Variants in INPP4A observed in about 807,000 individuals in gnomAD.
The protein encoded by INPP4A is inositol polyphosphate-4-phosphatase type I A, also known as inositol polyphosphate-4-phosphatase, type I, 107kD.
In INPP4A, 33 loss-of-function variants were observed where a neutral mutation model predicts 119.8. The observed-to-expected ratio is 0.28, with a 90% CI of 0.21 to 0.37. The LOEUF (loss-of-function observed/expected upper bound fraction) is 0.37. Among genes scored for constraint, INPP4A ranks in the 10% least tolerant of loss-of-function variants. The pLI, the probability that INPP4A is intolerant of heterozygous loss-of-function variation, is 1.00. For synonymous variants in INPP4A, 496 were observed against 500.7 expected (o/e 0.99, Z 0.12); for missense variants, 956 against 1,289.9 (o/e 0.74, Z 3.97).
At position 98,552,936 on chromosome 2, in the gene INPP4A, C is replaced by T; in HGVS notation, c.1314C>T (p.Gly438=). 1 of 1,613,056 alleles carries T rather than the reference C, an allele frequency of 6.2e-7. No homozygotes were observed. The highest frequency in any genetic ancestry group is 1.7e-5 in the Admixed American group (1 of 59,914). ...CAGCCAAGGACAGGTCTGCCACTGG[C>T]CTTGAGAGGACACTCGCCATCTTGG... ...SRAAKDRSAT[G]LERTLAILAD... is the part of the protein sequence containing the mutation. Residue 438 remains glycine (G), a synonymous_variant, in exon 14 of 25, where the codon GGC becomes GGT. Coordinates refer to ENST00000409851, the MANE Select transcript of INPP4A (RefSeq NM_001134225.2).
In INPP4A at chr2:98,590,836, CA is replaced by C; in HGVS notation, c.*3233del. ...AACTCCTAGAAATTTAAGCTACCAC[CA>C]AAAATAACATGTGCCTTTTCCCTTT... On this transcript the variant is annotated 3_prime_UTR_variant, in exon 25 of 25. Coordinates refer to ENST00000409851, the MANE Select transcript of INPP4A (RefSeq NM_001134225.2). 1 of 228,996 alleles carries C rather than the reference CA, an allele frequency of 4.4e-6. No homozygotes were observed. 14.2% of individuals were successfully genotyped at this position (228,996 alleles called of 1,614,324 possible).
At chr2:98,525,565 G>C (rs985666240) in intron 4 of INPP4A, among the ~76,000 whole-genome samples, 1 of 152,138 alleles carries the variant, frequency 6.6e-6, no homozygotes, top group Non-Finnish European at 1.5e-5. Flanking sequence ...AGAAATTGCT[G>C]TCCATAAGAG....
chr2:98,477,621 A>G (rs1487100313), intron 1 of INPP4A, among the ~76,000 whole-genome samples: 1 of 152,168 alleles, frequency 6.6e-6, no homozygotes, highest in East Asian at 1.9e-4. Flanking sequence ...TCTTGTAGAA[A>G]CTGCTCTCTC....
chr2:98,500,045 C>G (rs1454918945), intron 1 of INPP4A, among the ~76,000 whole-genome samples: 1 of 152,184 alleles, frequency 6.6e-6, no homozygotes, highest in African/African-American at 2.4e-5. Context: ...CAACCTCAGG[C>G]CGTGTCATTC....
chr2:98,516,323 C>T (rs17032870), intron 1 of INPP4A, among the ~76,000 whole-genome samples: 41,796 of 152,012 alleles, frequency 0.27, 5,790 homozygotes, highest in Middle Eastern at 0.35. Flanking sequence ...TAAAAGTTTC[C>T]GTGACCTGTG....
chr2:98,542,434 T>C (rs1434245791), intron 10 of INPP4A, among the ~76,000 whole-genome samples: 2 of 152,220 alleles, frequency 1.3e-5, no homozygotes, highest in Non-Finnish European at 2.9e-5. Flanking sequence ...AAAAAAAAAT[T>C]GCAGAAAGGT....
At chr2:98,551,626 T>C (rs189839149) in intron 13 of INPP4A, among the ~76,000 whole-genome samples, 1 of 152,190 alleles carries the variant, frequency 6.6e-6, no homozygotes, top group Non-Finnish European at 1.5e-5. Flanking sequence ...CCAAGGTGAC[T>C]GTCATCTCCA....
intron 1 of INPP4A, among the ~76,000 whole-genome samples, chr2:98,450,841 G>C (rs535606576): frequency 6.6e-6 from 1 of 151,946 alleles, no homozygotes; most frequent in Non-Finnish European, 1.5e-5. Context: ...CTGCAACCTC[G>C]GCTCACTGCA....
chr2:98,465,571 T>G (rs1225333522), intron 1 of INPP4A, among the ~76,000 whole-genome samples: 1 of 152,200 alleles, frequency 6.6e-6, no homozygotes, highest in African/African-American at 2.4e-5. Context: ...CACAGCAGCC[T>G]GATGAGGACC....
At chr2:98,568,904 C>G (rs1342167941) in intron 22 of INPP4A, 1 of 469,304 alleles carries the variant, frequency 2.1e-6, no homozygotes, top group Non-Finnish European at 3.9e-6. Flanking sequence ...TGGCTCCTTC[C>G]CATGCTGTCG....
At chr2:98,541,275 C>T (rs1007847309) in intron 10 of INPP4A, among the ~76,000 whole-genome samples, 4 of 150,718 alleles carry the variant, frequency 2.7e-5, no homozygotes, top group South Asian at 2.1e-4. Flanking sequence ...TGCAGTGAGC[C>T]GAGATCACGC....
chr2:98,551,579 C>CT (rs1459241047), intron 13 of INPP4A, among the ~76,000 whole-genome samples: 5 of 152,156 alleles, frequency 3.3e-5, no homozygotes, highest in Admixed American at 1.3e-4. Flanking sequence ...TGGGACTTCC[C>CT]TGGGAAGGGG....
chr2:98,482,153 C>T (rs1244344255), intron 1 of INPP4A, among the ~76,000 whole-genome samples: 1 of 152,184 alleles, frequency 6.6e-6, no homozygotes, highest in Non-Finnish European at 1.5e-5. Context: ...GCAGAAGCCA[C>T]GTTAAAGTGG....
chr2:98,525,841 CA>C (rs1688088390), intron 4 of INPP4A, among the ~76,000 whole-genome samples: 1 of 152,126 alleles, frequency 6.6e-6, no homozygotes, highest in African/African-American at 2.4e-5. Flanking sequence ...AACAACAAAA[CA>C]AAACACTCTA....
chr2:98,517,774 T>A (rs1415543072), intron 1 of INPP4A, among the ~76,000 whole-genome samples: 1 of 152,250 alleles, frequency 6.6e-6, no homozygotes, highest in Non-Finnish European at 1.5e-5. Context: ...AGTAGTCTTT[T>A]CCATGTTCTA....
intron 1 of INPP4A, among the ~76,000 whole-genome samples, chr2:98,461,424 A>T (rs1265472357): frequency 6.6e-6 from 1 of 152,252 alleles, no homozygotes; most frequent in Non-Finnish European, 1.5e-5. Context: ...TGCCTGCCCC[A>T]GAGCAGGGCT....
chr2:98,543,804 T>C, intron 10 of INPP4A, 73 bp from the exon 11 acceptor site: 9 of 1,578,538 alleles, frequency 5.7e-6, no homozygotes, highest in Non-Finnish European at 6.9e-6. Flanking sequence ...GCTGTTGTCC[T>C]GGGTAGACCT....
intron 23 of INPP4A, among the ~76,000 whole-genome samples, chr2:98,574,653 AG>A (rs1698113049): frequency 6.6e-6 from 1 of 151,278 alleles, no homozygotes; most frequent in Admixed American, 6.6e-5. Context: ...AAAAAAAAAA[AG>A]AATGCAGAGG....
At chr2:98,466,087 C>T (rs550949374) in intron 1 of INPP4A, among the ~76,000 whole-genome samples, 33 of 152,224 alleles carry the variant, frequency 2.2e-4, no homozygotes, top group African/African-American at 7.7e-4. Context: ...ACTCTGTTGC[C>T]CAGGCTGGAA....
Sources: allele counts gnomAD v4.1 joint callset (sites outside exome capture counted in the v4.1 genomes callset), GRCh38; gene constraint gnomAD v4.1.1; transcripts MANE v1.5; gene names NCBI Gene and HGNC (gene_info 2026-07-23, HGNC 2026-07-21).